LSR: variants seen among roughly 807,000 people sequenced by gnomAD.
The protein encoded by LSR is lipolysis-stimulated lipoprotein receptor.
In LSR, 44 loss-of-function variants were observed where a neutral mutation model predicts 61.8. The ratio of observed to expected loss-of-function variants is 0.71; its 90% CI spans 0.56 to 0.91. The LOEUF (loss-of-function observed/expected upper bound fraction) is 0.91, where lower values mean the gene tolerates loss of function less well. Among genes scored for constraint, LSR ranks in the 40% least tolerant of loss-of-function variants. The probability of loss-of-function intolerance (pLI) is 0.00; values close to 1 mark genes in which losing one functional copy is unlikely to be tolerated. For synonymous variants in LSR, 397 were observed against 350.6 expected (o/e 1.13, Z -1.48); for missense variants, 911 against 830.5 (o/e 1.10, Z -1.19).
intron 3 of LSR, 147 bp from the exon 4 acceptor site, chr19:35,261,778 G>A (rs1341042934): frequency 2.1e-6 from 1 of 469,554 alleles, no homozygotes; most frequent in Non-Finnish European, 3.8e-6. Flanking sequence ...GTGGAGGGTA[G>A]GAGCCATGCA....
intron 8 of LSR, 70 bp downstream of exon 8, chr19:35,267,037 C>G (rs1168390575): frequency 1.9e-6 from 3 of 1,556,200 alleles, no homozygotes; most frequent in Admixed American, 3.9e-5. Flanking sequence ...TGATACCTGC[C>G]GCAGGGACTC....
Position 35,267,746 on chromosome 19 carries a change from C to A in LSR, c.1770+12C>A, listed in dbSNP as rs761453969. 3.7e-6 allele frequency: 6 copies of A among 1,610,878 alleles called. No individual in the cohort carries two copies. The South Asian group carries it at 5.5e-5, about 15-fold the overall frequency. On this transcript the variant is annotated intron_variant, in intron 9 of 9. Coordinates refer to ENST00000605618, the MANE Select transcript of LSR (RefSeq NM_205834.4). Reference sequence around the variant, plus strand: ...GCAGGCTCAAGAAGGTGAGGGCCGCCCTCCCTGGCGTCCAGACCGTCCCTG... The same window carrying A: ...GCAGGCTCAAGAAGGTGAGGGCCGCACTCCCTGGCGTCCAGACCGTCCCTG...
In LSR at chr19:35,267,515, G is replaced by A. The variant is rs770298251; in HGVS notation, c.1551G>A (p.Arg517=). The A allele has an allele frequency of 6.2e-7, 1 of 1,611,910 alleles. No homozygotes were observed. The highest frequency in any genetic ancestry group is 8.5e-7 in the Non-Finnish European group (1 of 1,179,772). Residue 517 remains arginine, a synonymous_variant, in exon 9 of 10, where the codon AGG becomes AGA. Coordinates refer to ENST00000605618, the MANE Select transcript of LSR (RefSeq NM_205834.4). ...GGGAGCGCCCTCCTGCCGACCCCAG[G>A]TCCCACCACCACCGTACCCGGGACC... The part of the protein sequence containing the change: ...RSRERPPADP[R]SHHHRTRDPR...
At chr19:35,255,745 C>T (rs1238262578) in intron 2 of LSR, among the ~76,000 whole-genome samples, 2 of 152,184 alleles carry the variant, frequency 1.3e-5, no homozygotes, top group Non-Finnish European at 2.9e-5. Context: ...CCCCACTCCA[C>T]GCCTGGCACT....
rs1175166606 is a variant in LSR, at chr19:35,266,547, A to G, written c.952+15A>G. 6.3e-7 allele frequency: 1 copy of G among 1,597,708 alleles called. No individual in the cohort carries two copies. Among genetic ancestry groups the G allele is most frequent in the South Asian group, 1.1e-5 (1 of 89,138 alleles). On this transcript the variant is annotated intron_variant, in intron 6 of 9. Coordinates refer to ENST00000605618, the MANE Select transcript of LSR (RefSeq NM_205834.4). The stretch of plus-strand genomic sequence containing the variant: ...GAGTAGCTCAGGTGAGGCCGGGGGA[A>G]GCAGGAACAGCTGGTGGGAGTGTGC...
At chr19:35,265,092 C>T (rs2065979603) in intron 5 of LSR, among the ~76,000 whole-genome samples, 1 of 152,204 alleles carries the variant, frequency 6.6e-6, no homozygotes, top group South Asian at 2.1e-4. Context: ...CTCAAAGGAT[C>T]ACTTCCCTGA....
rs149019879 is a variant in LSR, at chr19:35,257,726, A to G, written c.455-1219A>G. 3.4e-3 allele frequency among the ~76,000 whole-genome samples: 511 copies of G among 152,280 alleles called. 13 individuals carry two copies. The East Asian group carries it at 0.049, about 15-fold the overall frequency. ...AGCCTACTTCTGTCCCCAGTGGCTTAAGGCAGAGTTGCCTGGTAGGTGCCC... is the reference window on the plus strand; with the variant it reads ...AGCCTACTTCTGTCCCCAGTGGCTTGAGGCAGAGTTGCCTGGTAGGTGCCC... On this transcript the variant is annotated intron_variant, in intron 2 of 9. Coordinates refer to ENST00000605618, the MANE Select transcript of LSR (RefSeq NM_205834.4).
intron 3 of LSR, chr19:35,259,305 T>C (rs768883108): frequency 3.4e-5 from 14 of 409,990 alleles, no homozygotes; most frequent in Non-Finnish European, 5.2e-5. Context: ...GTGGAGACAA[T>C]TGGAGACTCT....
intron 3 of LSR, 70 bp downstream of exon 3, chr19:35,259,134 T>C (rs990894735): frequency 3.2e-5 from 49 of 1,553,632 alleles, no homozygotes; most frequent in Non-Finnish European, 4.0e-5. Flanking sequence ...TGCCCTCCCC[T>C]GTGTCCGCCC....
chr19:35,250,506 C>G lies in LSR; in HGVS notation c.301C>G (p.Leu101Val), dbSNP rs767832791. 1 of 1,614,176 alleles carries G rather than the reference C, an allele frequency of 6.2e-7. No individual in the cohort carries two copies. Among genetic ancestry groups the G allele is most frequent in the East Asian group, 2.2e-5 (1 of 44,880 alleles). The change falls in exon 2 of 10, where the codon CTC becomes GTC. Residue 101 changes from leucine (L) to valine (V), a missense_variant. Coordinates refer to ENST00000605618, the MANE Select transcript of LSR (RefSeq NM_205834.4). Reference protein sequence around the residue: ...AFSPASVDNQLNAQLAAGNPG... With the variant: ...AFSPASVDNQVNAQLAAGNPG... ...CTCCCCGGCCAGCGTCGACAACCAG[C>G]TCAATGCCCAGCTGGCAGCCGGGAA...
chr19:35,255,131 G>T (rs1023634445), intron 2 of LSR, among the ~76,000 whole-genome samples: 20 of 151,964 alleles, frequency 1.3e-4, no homozygotes, highest in Non-Finnish European at 1.5e-5. Flanking sequence ...GAGGACAGGA[G>T]CTGGGAGACC....
intron 3 of LSR, 37 bp from the exon 4 acceptor site, chr19:35,261,888 C>G (rs754267142): frequency 7.2e-7 from 1 of 1,383,642 alleles, no homozygotes; most frequent in Non-Finnish European, 9.5e-7. Flanking sequence ...TGGGCTGGCT[C>G]TGGCCAGCAT....
intron 3 of LSR, among the ~76,000 whole-genome samples, chr19:35,261,474 G>A (rs1008204439): frequency 3.3e-5 from 5 of 152,096 alleles, no homozygotes; most frequent in Non-Finnish European, 4.4e-5. Flanking sequence ...CTGAGCCCAC[G>A]AGGTTGAAGC....
Position 35,250,644 on chromosome 19 carries a change from A to G in LSR, c.439A>G (p.Ile147Val), listed in dbSNP as rs1047006419. The change falls in exon 2 of 10, where the codon ATT (isoleucine) becomes GTT (valine). Residue 147 changes from isoleucine (I) to valine (V), a missense_variant. By Grantham distance (29) the Ile-to-Val change is conservative. Coordinates refer to ENST00000605618, the MANE Select transcript of LSR (RefSeq NM_205834.4). Reference protein sequence around the residue: ...TLGDYYQGRRITITGNADLTF... With the variant: ...TLGDYYQGRRVTITGNADLTF... ...GGGAGATTACTACCAGGGCCGGAGG[A>G]TTACCATCACCGGAAGTATGTTGGG... is the stretch of plus-strand genomic sequence containing the variant. 7 of 1,560,090 alleles carry G rather than the reference A, an allele frequency of 4.5e-6. No individual in the cohort carries two copies. The African/African-American group carries it at 5.4e-5, about 12-fold the overall frequency.
chr19:35,250,082 G>A (rs1411119204), intron 1 of LSR, among the ~76,000 whole-genome samples: 1 of 152,130 alleles, frequency 6.6e-6, no homozygotes. Flanking sequence ...TGGCGGGCGA[G>A]TCCAAGGAAA....
chr19:35,265,442 A>G (rs1005135836), intron 5 of LSR, among the ~76,000 whole-genome samples: 1 of 152,180 alleles, frequency 6.6e-6, no homozygotes, highest in Non-Finnish European at 1.5e-5. Context: ...CCCACTGCTG[A>G]TGATAAAGTT....
chr19:35,250,508 C>T lies in LSR; in HGVS notation c.303C>T (p.Leu101=). ...CCCCGGCCAGCGTCGACAACCAGCTCAATGCCCAGCTGGCAGCCGGGAACC... is the reference window on the plus strand; with the variant it reads ...CCCCGGCCAGCGTCGACAACCAGCTTAATGCCCAGCTGGCAGCCGGGAACC... ...AFSPASVDNQ[L]NAQLAAGNPG... is the part of the protein sequence containing the mutation. The change falls in exon 2 of 10, where the codon CTC becomes CTT. Residue 101 remains leucine (L), a synonymous_variant. Coordinates refer to ENST00000605618, the MANE Select transcript of LSR (RefSeq NM_205834.4). 1 of 1,614,158 alleles carries T rather than the reference C, an allele frequency of 6.2e-7. No individual in the cohort carries two copies. The highest frequency in any genetic ancestry group is 8.5e-7 in the Non-Finnish European group (1 of 1,180,018).
At position 35,249,499 on chromosome 19, in the gene LSR, G is replaced by A. The variant is rs1299976777; in HGVS notation, c.109+368G>A. 5 of 272,796 alleles carry A rather than the reference G, an allele frequency of 1.8e-5. No homozygotes were observed. The East Asian group carries it at 5.5e-4, about 30-fold the overall frequency. 16.9% of individuals were successfully genotyped at this position (272,796 alleles called of 1,614,324 possible). A position where few individuals can be genotyped will look rare whatever the true frequency, so the allele number is the denominator to read the frequency against. On this transcript the variant is annotated intron_variant, in intron 1 of 9. Coordinates refer to ENST00000605618, the MANE Select transcript of LSR (RefSeq NM_205834.4). The stretch of plus-strand genomic sequence containing the variant: ...GGGGATTTCTAAGTTTTGGAGTAAC[G>A]GGGAGAGGGCACGGGAGGGCTGGAT...
In LSR at chr19:35,267,842, G is replaced by A. The variant is rs62112774; in HGVS notation, c.1789G>A (p.Glu597Lys). ...RLKKNLALSR[E>K]SLVV ...CTTGCAGAACTTGGCCCTGAGTCGG[G>A]AAAGTTTAGTCGTCTGATCTGACGT... The change falls in exon 10 of 10, where the codon GAA becomes AAA. Residue 597 changes from glutamate to lysine, a missense_variant. Coordinates refer to ENST00000605618, the MANE Select transcript of LSR (RefSeq NM_205834.4). 2.5e-6 allele frequency: 4 copies of A among 1,613,894 alleles called. No homozygotes were observed. The highest frequency in any genetic ancestry group is 2.2e-5 in the East Asian group (1 of 44,864).
Sources: gnomAD v4.1 joint callset for allele counts (sites outside exome capture counted in the v4.1 genomes callset) on GRCh38, gnomAD v4.1.1 for gene constraint, MANE v1.5 for transcripts, NCBI Gene and HGNC (gene_info 2026-07-23, HGNC 2026-07-21) for gene names.